The following TCF4 variants were observed in gnomAD, a reference collection of about 807,000 sequenced individuals.
TCF4 encodes the protein transcription factor 4, also known as SL3-3 enhancer factor 2.
TCF4 carries 3 observed loss-of-function variants against 82.1 expected under a neutral mutation model. The ratio of observed to expected loss-of-function variants is 0.04; its 90% CI spans 0.02 to 0.09. TCF4 has a LOEUF of 0.09. Among genes scored for constraint, TCF4 ranks in the 10% least tolerant of loss-of-function variants. The probability of loss-of-function intolerance (pLI) is 1.00; values close to 1 mark genes in which losing one functional copy is unlikely to be tolerated. For synonymous variants in TCF4, 276 were observed against 309.6 expected (o/e 0.89, Z 1.14); for missense variants, 518 against 852.7 (o/e 0.61, Z 4.89).
At chr18:55,603,757 A>C (rs1385562227) in intron 2 of TCF4, among the ~76,000 whole-genome samples, 1 of 152,110 alleles carries the variant, frequency 6.6e-6, no homozygotes, top group African/African-American at 2.4e-5. Flanking sequence ...AATATATAGA[A>C]TAGATGCTTA....
chr18:55,276,472 A>C (rs1312540071), intron 9 of TCF4, among the ~76,000 whole-genome samples: 4 of 152,188 alleles, frequency 2.6e-5, no homozygotes, highest in Non-Finnish European at 5.9e-5. Context: ...ATAGAGGTTT[A>C]AAATTATATA....
At chr18:55,437,996 T>C (rs1396200634) in intron 5 of TCF4, among the ~76,000 whole-genome samples, 4 of 151,778 alleles carry the variant, frequency 2.6e-5, no homozygotes, top group Non-Finnish European at 5.9e-5. Context: ...AGGTCAGGAG[T>C]TTGAGACCAG....
chr18:55,389,445 G>C (rs957756768), intron 6 of TCF4, among the ~76,000 whole-genome samples: 3 of 152,210 alleles, frequency 2.0e-5, no homozygotes, highest in African/African-American at 7.2e-5. Flanking sequence ...GCACAGAAGA[G>C]AGGCAGCTCG....
chr18:55,234,520 C>T, intron 16 of TCF4, 28 bp downstream of exon 16: 8 of 1,614,120 alleles, frequency 5.0e-6, no homozygotes, highest in Non-Finnish European at 6.8e-6. Context: ...AAAGTGAGGT[C>T]AGAAGTGCCC....
chr18:55,312,079 T>C (rs968019391), intron 8 of TCF4, among the ~76,000 whole-genome samples: 2 of 152,214 alleles, frequency 1.3e-5, no homozygotes, highest in Non-Finnish European at 2.9e-5. Flanking sequence ...GAAGACACTG[T>C]TGTCTATACA....
chr18:55,306,914 G>A (rs762720025), intron 8 of TCF4, among the ~76,000 whole-genome samples: 2 of 152,198 alleles, frequency 1.3e-5, no homozygotes, highest in African/African-American at 4.8e-5. Flanking sequence ...GGAAAAGTGA[G>A]TTGAAGACTG....
intron 3 of TCF4, among the ~76,000 whole-genome samples, chr18:55,530,171 T>C (rs2097043619): frequency 6.6e-6 from 1 of 152,154 alleles, no homozygotes; most frequent in Non-Finnish European, 1.5e-5. Context: ...GAACGGCAAT[T>C]GTGGATCTGT....
chr18:55,468,009 TG>T (rs1441472706), intron 3 of TCF4, among the ~76,000 whole-genome samples: 1 of 152,202 alleles, frequency 6.6e-6, no homozygotes, highest in Non-Finnish European at 1.5e-5. Flanking sequence ...TGCCCACTGC[TG>T]TAAAGACTCC....
chr18:55,305,639 T>C (rs1465679417), intron 8 of TCF4, among the ~76,000 whole-genome samples: 1 of 152,196 alleles, frequency 6.6e-6, no homozygotes, highest in South Asian at 2.1e-4. Context: ...GAATGGTATA[T>C]ACACTTTAAA....
intron 15 of TCF4, among the ~76,000 whole-genome samples, chr18:55,248,701 G>GT (rs1380782673): frequency 2.0e-5 from 3 of 152,186 alleles, no homozygotes; most frequent in Non-Finnish European, 4.4e-5. Context: ...GCTGAGCAGT[G>GT]TAGGATATAG....
Position 55,226,052 on chromosome 18 carries a change from A to G in TCF4, c.*1983T>C, listed in dbSNP as rs1429748165. ...AAAAAAACAAAAACTGATACAATGT[A>G]TTAAAACACATAATAACAAGAGTCT... On this transcript the variant is annotated 3_prime_UTR_variant, in exon 20 of 20. Coordinates refer to ENST00000354452, the MANE Select transcript of TCF4 (RefSeq NM_001083962.2). 1 of 152,562 alleles carries G rather than the reference A, an allele frequency of 6.6e-6. No individual in the cohort carries two copies. The highest frequency in any genetic ancestry group is 2.4e-5 in the African/African-American group (1 of 41,450). 9.5% of individuals were successfully genotyped at this position (152,562 alleles called of 1,614,324 possible).
At chr18:55,264,813 T>C (rs193214125) in intron 11 of TCF4, 1 of 152,290 alleles carries the variant, frequency 6.6e-6, no homozygotes, top group East Asian at 1.9e-4. Flanking sequence ...CTAATCAATT[T>C]ATCTTGCCCA....
intron 5 of TCF4, among the ~76,000 whole-genome samples, chr18:55,431,866 G>A (rs981418925): frequency 1.5e-4 from 23 of 152,274 alleles, no homozygotes; most frequent in African/African-American, 5.3e-4. Flanking sequence ...TAATGTCGGG[G>A]GGGTCTTCCA....
intron 2 of TCF4, among the ~76,000 whole-genome samples, chr18:55,609,418 G>A (rs979710233): frequency 2.0e-5 from 3 of 152,216 alleles, no homozygotes; most frequent in African/African-American, 7.2e-5. Flanking sequence ...GGCATTTGCT[G>A]GGTGCCTGAT....
chr18:55,489,143 A>C (rs997225703), intron 3 of TCF4, among the ~76,000 whole-genome samples: 1 of 152,220 alleles, frequency 6.6e-6, no homozygotes, highest in Non-Finnish European at 1.5e-5. Context: ...ACCCACTTTG[A>C]GAAGTACTGG....
At chr18:55,570,275 T>A (rs902471480) in intron 3 of TCF4, among the ~76,000 whole-genome samples, 1 of 152,116 alleles carries the variant, frequency 6.6e-6, no homozygotes, top group South Asian at 2.1e-4. Context: ...TACAAGAGAA[T>A]ATATGTACAA....
At chr18:55,634,491 T>G (rs780146564) in intron 1 of TCF4, among the ~76,000 whole-genome samples, 7 of 152,192 alleles carry the variant, frequency 4.6e-5, no homozygotes, top group Non-Finnish European at 8.8e-5. Flanking sequence ...ATCTGTCTGA[T>G]TCAAAGTTTA....
rs145435000 is a variant in TCF4 at position 55,472,938 on chromosome 18, A to G, written c.146-8801T>C. 6.3e-3 allele frequency among the ~76,000 whole-genome samples: 954 copies of G among 152,356 alleles called. 12 individuals are homozygous for G. The highest frequency in any genetic ancestry group is 0.022 in the African/African-American group (926 of 41,586). On this transcript the variant is annotated intron_variant, in intron 3 of 19. Transcript: ENST00000354452. Reference sequence around the variant, plus strand: ...ACTTTAGAAAACAAAGTGTTAAACAACTAAGGAATACATTTAAGAATATGC... The same window carrying G: ...ACTTTAGAAAACAAAGTGTTAAACAGCTAAGGAATACATTTAAGAATATGC...
intron 11 of TCF4, chr18:55,266,737 T>G (rs1276105106): frequency 1.3e-5 from 2 of 151,890 alleles, no homozygotes; most frequent in East Asian, 3.9e-4. Context: ...ATATTGGGTA[T>G]TATAGGGCAA....
Sources: allele counts gnomAD v4.1 joint callset (sites outside exome capture counted in the v4.1 genomes callset), GRCh38; gene constraint gnomAD v4.1.1; transcripts MANE v1.5; gene names NCBI Gene and HGNC (gene_info 2026-07-23, HGNC 2026-07-21).